Variants in CSMD1 observed in about 807,000 individuals in gnomAD.
The protein encoded by CSMD1 is CUB and Sushi multiple domains 1.
CSMD1 carries 213 observed loss-of-function variants against 417.5 expected under a neutral mutation model. The observed-to-expected ratio is 0.51, with a 90% confidence interval of 0.46 to 0.57. The LOEUF (loss-of-function observed/expected upper bound fraction) is 0.57. Ranked by LOEUF, CSMD1 falls within the 20% of genes least tolerant of loss-of-function variation. The pLI is 0.00. For synonymous variants in CSMD1, 2,862 were observed against 1,736.8 expected (o/e 1.65, Z -16.11); for missense variants, 6,923 against 4,529.7 (o/e 1.53, Z -15.17).
chr8:3,731,212 C>G (rs1199498720), intron 6 of CSMD1, among the ~76,000 whole-genome samples: 3 of 152,218 alleles, frequency 2.0e-5, no homozygotes, highest in Admixed American at 6.5e-5. Flanking sequence ...AGTTTCTCCA[C>G]CTTCCCACTG....
intron 3 of CSMD1, among the ~76,000 whole-genome samples, chr8:4,104,113 C>A (rs190278735): frequency 1.3e-5 from 2 of 152,232 alleles, no homozygotes; most frequent in Admixed American, 6.5e-5. Flanking sequence ...ACCTGTCCCA[C>A]AGAAGCAGAG....
intron 5 of CSMD1, among the ~76,000 whole-genome samples, chr8:3,829,070 A>G (rs1211928438): frequency 6.6e-6 from 1 of 150,730 alleles, no homozygotes; most frequent in East Asian, 2.0e-4. Context: ...TATAGGTGGT[A>G]TTTGTTTACA....
At chr8:4,041,483 G>T (rs556895127) in intron 3 of CSMD1, among the ~76,000 whole-genome samples, 4 of 152,114 alleles carry the variant, frequency 2.6e-5, no homozygotes, top group African/African-American at 7.2e-5. Context: ...GGATCAAACT[G>T]TTCCACAAAT....
At chr8:3,745,013 T>G (rs1363063248) in intron 6 of CSMD1, among the ~76,000 whole-genome samples, 1 of 152,108 alleles carries the variant, frequency 6.6e-6, no homozygotes, top group African/African-American at 2.4e-5. Flanking sequence ...GCTCTTAGGA[T>G]TCTCCGGGCA....
At chr8:4,939,896 T>C (rs1807869776) in intron 1 of CSMD1, among the ~76,000 whole-genome samples, 1 of 152,196 alleles carries the variant, frequency 6.6e-6, no homozygotes, top group Non-Finnish European at 1.5e-5. Flanking sequence ...TTCTATCAGG[T>C]TGTGTACCAT....
intron 3 of CSMD1, among the ~76,000 whole-genome samples, chr8:4,403,793 C>G (rs1804822902): frequency 6.6e-6 from 1 of 152,164 alleles, no homozygotes; most frequent in Admixed American, 6.5e-5. Context: ...CTCTCCTGGA[C>G]TTCAGCTTAC....
chr8:4,168,501 C>T lies in CSMD1; in HGVS notation c.416-136402G>A, dbSNP rs114789540. Among the ~76,000 whole-genome samples the T allele has an allele frequency of 2.6e-3, 394 of 152,120 alleles. 7 individuals carry two copies. Among genetic ancestry groups the T allele is most frequent in the African/African-American group, 9.1e-3 (379 of 41,474 alleles). ...GTAAAAGTAGAAAAAAGGGCTCTAA[C>T]ATGCAACACTAGATTAAAATAAGTT... On this transcript the variant is annotated intron_variant, in intron 3 of 69. Coordinates refer to ENST00000635120, the MANE Select transcript of CSMD1 (RefSeq NM_033225.6).
intron 3 of CSMD1, among the ~76,000 whole-genome samples, chr8:4,203,677 G>A (rs1458295061): frequency 6.6e-6 from 1 of 152,052 alleles, no homozygotes; most frequent in African/African-American, 2.4e-5. Flanking sequence ...CTGGCCATTT[G>A]TAAGTAGGGA....
At chr8:3,935,621 G>T (rs1012862838) in intron 5 of CSMD1, among the ~76,000 whole-genome samples, 2 of 152,020 alleles carry the variant, frequency 1.3e-5, no homozygotes, top group African/African-American at 4.8e-5. Context: ...GTAATTGTTT[G>T]GGGGCCCCAT....
chr8:3,997,932 C>T lies in CSMD1; in HGVS notation c.789G>A (p.Glu263=). 3 of 1,612,406 alleles carry T rather than the reference C, an allele frequency of 1.9e-6. No homozygotes were observed. The highest frequency in any genetic ancestry group is 2.2e-5 in the South Asian group (2 of 90,522). The change falls in exon 5 of 70, where the codon GAG becomes GAA. Residue 263 remains glutamate, a synonymous_variant. Transcript: ENST00000635120. ...TGGATGGAGCTTCCGTGCCACTGAT[C>T]TCTAAGAAATCATATCCTTCTTCTA... ...FQLEEGYDFL[E]ISGTEAPSIW... is the part of the protein sequence containing the mutation.
At chr8:3,783,918 G>A (rs1157295744) in intron 5 of CSMD1, among the ~76,000 whole-genome samples, 2 of 152,208 alleles carry the variant, frequency 1.3e-5, no homozygotes, top group East Asian at 1.9e-4. Flanking sequence ...GAGCTGGGCT[G>A]CAGTTTGAAT....
chr8:4,839,522 G>T (rs542010111), intron 1 of CSMD1, among the ~76,000 whole-genome samples: 2 of 152,164 alleles, frequency 1.3e-5, no homozygotes, highest in South Asian at 4.2e-4. Context: ...TGGGGCTCTG[G>T]GAGCAATTTC....
chr8:4,898,554 C>A (rs1804656126), intron 1 of CSMD1, among the ~76,000 whole-genome samples: 1 of 152,134 alleles, frequency 6.6e-6, no homozygotes, highest in Non-Finnish European at 1.5e-5. Flanking sequence ...CTTTTAAATC[C>A]AAGGGTGAGC....
At chr8:3,543,264 T>C (rs554538449) in intron 10 of CSMD1, among the ~76,000 whole-genome samples, 1 of 152,232 alleles carries the variant, frequency 6.6e-6, no homozygotes, top group South Asian at 2.1e-4. Flanking sequence ...AGGTGAGGCA[T>C]GTTTTACAGA....
chr8:3,919,935 G>C (rs564411388), intron 5 of CSMD1, among the ~76,000 whole-genome samples: 1 of 151,878 alleles, frequency 6.6e-6, no homozygotes, highest in East Asian at 1.9e-4. Context: ...CAGATAATTT[G>C]ACTCAGAAAC....
Position 3,214,246 on chromosome 8 carries a change from G to C in CSMD1, c.4867+251C>G, listed in dbSNP as rs1797769884. On this transcript the variant is annotated intron_variant, in intron 30 of 69. Coordinates refer to ENST00000635120, the MANE Select transcript of CSMD1 (RefSeq NM_033225.6). ...AACAGATCTAGAACACACAAAAACAGAAGTGAAAAATGTAAAACTGTACGA... is the reference window on the plus strand; with the variant it reads ...AACAGATCTAGAACACACAAAAACACAAGTGAAAAATGTAAAACTGTACGA... Among the ~76,000 whole-genome samples, 4 of 152,056 alleles carry C rather than the reference G, an allele frequency of 2.6e-5. No homozygotes were observed. The South Asian group carries it at 6.2e-4, about 24-fold the overall frequency.
chr8:3,981,212 A>C (rs931203536), intron 5 of CSMD1, among the ~76,000 whole-genome samples: 2 of 152,238 alleles, frequency 1.3e-5, no homozygotes, highest in African/African-American at 2.4e-5. Flanking sequence ...AGTAAAGAAC[A>C]TGCAATTATT....
intron 4 of CSMD1, among the ~76,000 whole-genome samples, chr8:4,013,586 C>G (rs1405659457): frequency 2.0e-5 from 3 of 152,160 alleles, no homozygotes; most frequent in African/African-American, 7.2e-5. Context: ...CTTATTTCAA[C>G]AGGACAGCAA....
intron 1 of CSMD1, among the ~76,000 whole-genome samples, chr8:4,829,841 T>G (rs937662336): frequency 6.6e-6 from 1 of 152,128 alleles, no homozygotes; most frequent in East Asian, 1.9e-4. Flanking sequence ...TCGCTTTACC[T>G]TGGGGACAAG....
Sources: gnomAD v4.1 joint callset for allele counts (sites outside exome capture counted in the v4.1 genomes callset) on GRCh38, gnomAD v4.1.1 for gene constraint, MANE v1.5 for transcripts, NCBI Gene and HGNC (gene_info 2026-07-23, HGNC 2026-07-21) for gene names.